DEF8: variants seen among roughly 807,000 people sequenced by gnomAD.
The protein encoded by DEF8 is differentially expressed in FDCP 8 homolog.
A neutral mutation model predicts 59.1 loss-of-function variants in DEF8; 38 were observed. The ratio of observed to expected loss-of-function variants is 0.64; its 90% CI spans 0.50 to 0.84. The LOEUF is 0.84. Among genes scored for constraint, DEF8 ranks in the 40% least tolerant of loss-of-function variants. The pLI is 0.00. For synonymous variants in DEF8, 265 were observed against 250.1 expected (o/e 1.06, Z -0.56); for missense variants, 557 against 615.2 (o/e 0.91, Z 1.00).
chr16:89,965,141 T>G (rs1395461630), intron 12 of DEF8, among the ~76,000 whole-genome samples: 1 of 152,176 alleles, frequency 6.6e-6, no homozygotes, highest in African/African-American at 2.4e-5. Context: ...AAAGATTGAG[T>G]GGCTCTTGGA....
In DEF8 at chr16:89,948,870, C is replaced by G. The variant is rs1476082200; in HGVS notation, c.-108+56C>G. 551 of 415,438 alleles carry G rather than the reference C, an allele frequency of 1.3e-3. 20 individuals carry two copies. In the African/African-American group the frequency reaches 0.03, roughly 23 times the overall value. 25.7% of individuals were successfully genotyped at this position (415,438 alleles called of 1,614,324 possible). A position where few individuals can be genotyped will look rare whatever the true frequency, so the allele number is the denominator to read the frequency against. ...CCGGCGGGGACGGGGCCGGCGGGGACGGGGCCGGCGGGGACGGGGTCGGCG... is the reference window on the plus strand; with the variant it reads ...CCGGCGGGGACGGGGCCGGCGGGGAGGGGGCCGGCGGGGACGGGGTCGGCG... On this transcript the variant is annotated intron_variant, in intron 1 of 12. Transcript: ENST00000563594.
In DEF8 at chr16:89,954,405, G is replaced by A. The variant is rs758536167; in HGVS notation, c.124+29G>A. On this transcript the variant is annotated intron_variant, in intron 3 of 12. Coordinates refer to ENST00000563594, the MANE Select transcript of DEF8 (RefSeq NM_001242818.2). The surrounding 1 kb of genome is among the most constrained non-coding windows in gnomAD (Gnocchi z 4.3). ...GGTGCTGGTGGGAGTCAGGGTGGGAGCTGGGCAGGTCTCTGACTGCTTACG... is the reference window on the plus strand; with the variant it reads ...GGTGCTGGTGGGAGTCAGGGTGGGAACTGGGCAGGTCTCTGACTGCTTACG... 1.2e-6 allele frequency: 2 copies of A among 1,609,078 alleles called. No homozygotes were observed. The highest frequency in any genetic ancestry group is 1.7e-6 in the Non-Finnish European group (2 of 1,177,534).
chr16:89,958,715 C>A (rs1405576186), intron 5 of DEF8, among the ~76,000 whole-genome samples: 5 of 152,232 alleles, frequency 3.3e-5, no homozygotes, highest in Non-Finnish European at 7.3e-5. Context: ...GGCAGAGAGG[C>A]CGGGTCGCTC....
chr16:89,962,345 A>C (rs916413588), intron 9 of DEF8, among the ~76,000 whole-genome samples: 2 of 152,336 alleles, frequency 1.3e-5, no homozygotes, highest in Middle Eastern at 3.4e-3. Flanking sequence ...ACAATATTAA[A>C]TTTTGTAATA....
At chr16:89,958,778 G>A (rs2033624938) in intron 5 of DEF8, among the ~76,000 whole-genome samples, 1 of 152,178 alleles carries the variant, frequency 6.6e-6, no homozygotes. Flanking sequence ...TCGCTGCAAG[G>A]GATGCTGGGA....
intron 10 of DEF8, chr16:89,963,899 G>A: frequency 1.8e-6 from 1 of 559,142 alleles, no homozygotes; most frequent in South Asian, 1.9e-5. Context: ...GGGGAATGTG[G>A]GAAGCGTGGG....
intron 10 of DEF8, 149 bp downstream of exon 10, chr16:89,963,592 G>C (rs1816546821): frequency 1.6e-6 from 1 of 630,138 alleles, no homozygotes; most frequent in Non-Finnish European, 2.7e-6. Context: ...AAAGCAAACA[G>C]GTGTTCTGCC....
rs888672877 is a variant in DEF8, at chr16:89,954,425, C to G, written c.124+49C>G. The stretch of plus-strand genomic sequence containing the variant: ...TGGGAGCTGGGCAGGTCTCTGACTG[C>G]TTACGTGGACCCCTCCTTTCTTCCT... On this transcript the variant is annotated intron_variant, in intron 3 of 12. Transcript: ENST00000563594. The surrounding 1 kb of genome is among the most constrained non-coding windows in gnomAD (Gnocchi z 4.3). 5.7e-6 allele frequency: 9 copies of G among 1,583,360 alleles called. No homozygotes were observed. The highest frequency in any genetic ancestry group is 7.7e-6 in the Non-Finnish European group (9 of 1,163,190).
In DEF8 at chr16:89,966,025, G is replaced by C. The variant is rs138922246; in HGVS notation, c.*62G>C. On this transcript the variant is annotated 3_prime_UTR_variant, in exon 13 of 13. Transcript: ENST00000563594. ...CCAGGACCCACCCTGCCAACATCAA[G>C]TTGTTCCTTCTGCTCCGGAGACCCC... 6.5e-4 allele frequency: 881 copies of C among 1,351,824 alleles called. 7 individuals carry two copies. The African/African-American group carries it at 0.011, about 17-fold the overall frequency. The allele number at this position is 1,351,824 out of a possible 1,614,324, so 83.7% of individuals were successfully genotyped here.
intron 10 of DEF8, chr16:89,963,929 G>A (rs2034352352): frequency 3.3e-6 from 2 of 614,906 alleles, no homozygotes; most frequent in Admixed American, 2.4e-5. Context: ...GATGCGGTGT[G>A]GCTGGGAGGG....
At chr16:89,958,987 A>AC (rs770782268) in intron 5 of DEF8, 27 bp from the exon 6 acceptor site, 52 of 1,605,290 alleles carry the variant, frequency 3.2e-5, no homozygotes, top group African/African-American at 1.6e-4. Context: ...CTCACCTGTG[A>AC]CCCCCTCCCT....
Position 89,957,576 on chromosome 16 carries a change from T to C in DEF8, c.288T>C (p.Ile96=). 6.3e-7 allele frequency: 1 copy of C among 1,590,832 alleles called. No individual in the cohort carries two copies. Among genetic ancestry groups the C allele is most frequent in the East Asian group, 2.3e-5 (1 of 43,650 alleles). Residue 96 remains isoleucine (I), a synonymous_variant, in exon 5 of 13, where the codon ATT becomes ATC. Transcript: ENST00000563594. ...CGATCGAGGAGTGCAAGCAGGTGAT[T>C]CTGGAGCTGCCCGAGCAGTCGGAGA... ...RQAIEECKQV[I]LELPEQSEKQ...
rs531836425 is a variant in DEF8 at position 89,952,128 on chromosome 16, C to T, written c.-10-2115C>T. ...TCCTGACCTGGTGATCCGCCCGCCTCGGCCTCCCAATGTGCTGGGATTACA... is the reference window on the plus strand; with the variant it reads ...TCCTGACCTGGTGATCCGCCCGCCTTGGCCTCCCAATGTGCTGGGATTACA... On this transcript the variant is annotated intron_variant, in intron 2 of 12. Coordinates refer to ENST00000563594, the MANE Select transcript of DEF8 (RefSeq NM_001242818.2). Among the ~76,000 whole-genome samples the T allele has an allele frequency of 7.9e-5, 12 of 152,330 alleles. 1 individual carries two copies. The highest frequency in any genetic ancestry group is 3.3e-4 in the Admixed American group (5 of 15,300).
At chr16:89,950,389 G>GT in intron 2 of DEF8, 2 of 891,860 alleles carry the variant, frequency 2.2e-6, no homozygotes, top group Non-Finnish European at 2.7e-6. Context: ...AATCAGGGCT[G>GT]ATTTTTTTTT....
At chr16:89,949,215 C>G (rs1002626092) in intron 1 of DEF8, among the ~76,000 whole-genome samples, 3 of 151,740 alleles carry the variant, frequency 2.0e-5, no homozygotes, top group Non-Finnish European at 4.4e-5. Flanking sequence ...GGCGTCCACA[C>G]CAGCTGCGTG....
intron 5 of DEF8, chr16:89,958,236 G>A (rs1174057865): frequency 6.5e-6 from 1 of 152,940 alleles, no homozygotes; most frequent in African/African-American, 2.4e-5. Flanking sequence ...GGCTAGTTCT[G>A]GGCTGTGTGC....
intron 6 of DEF8, among the ~76,000 whole-genome samples, chr16:89,960,025 CTG>C (rs1567800104): frequency 1.4e-5 from 2 of 147,678 alleles, no homozygotes; most frequent in South Asian, 4.3e-4. Flanking sequence ...GGCTGCAGCT[CTG>C]TGTCTGGAGG....
At chr16:89,960,467 C>T (rs570173872) in intron 6 of DEF8, among the ~76,000 whole-genome samples, 59 of 152,174 alleles carry the variant, frequency 3.9e-4, no homozygotes, top group African/African-American at 1.3e-3. Context: ...TCTGATTGCA[C>T]GACTACACTC....
Position 89,954,734 on chromosome 16 carries a change from A to C in DEF8, c.124+358A>C, listed in dbSNP as rs2032834330. 1.3e-5 allele frequency among the ~76,000 whole-genome samples: 2 copies of C among 152,154 alleles called. No homozygotes were observed. Among genetic ancestry groups the C allele is most frequent in the Admixed American group, 6.5e-5 (1 of 15,276 alleles). On this transcript the variant is annotated intron_variant, in intron 3 of 12. Coordinates refer to ENST00000563594, the MANE Select transcript of DEF8 (RefSeq NM_001242818.2). This position sits in a 1 kb window ranked among gnomAD's most constrained non-coding sequence, Gnocchi z 4.3. ...GGCGTCAGGGTGGCATGAGCTTTAG[A>C]AACTGCAGATGAGGTCATCAGGGAG...
Sources: allele counts gnomAD v4.1 joint callset (sites outside exome capture counted in the v4.1 genomes callset), GRCh38; gene constraint gnomAD v4.1.1; non-coding constraint Gnocchi (gnomAD v3.1); transcripts MANE v1.5; gene names NCBI Gene and HGNC (gene_info 2026-07-23, HGNC 2026-07-21).